ANKRD11: variants seen among roughly 807,000 people sequenced by gnomAD.
ANKRD11 encodes the protein ankyrin repeat domain-containing protein 11.
Under a neutral mutation model 195.7 loss-of-function variants are expected in ANKRD11, and 17 were observed. The observed-to-expected ratio is 0.09, with a 90% CI of 0.06 to 0.13. The LOEUF (loss-of-function observed/expected upper bound fraction) is 0.13, where lower values mean the gene tolerates loss of function less well. ANKRD11 is among the 10% of genes least tolerant of loss of function. The pLI, the probability that ANKRD11 is intolerant of heterozygous loss-of-function variation, is 1.00. For synonymous variants in ANKRD11, 1,953 were observed against 1,528.1 expected (o/e 1.28, Z -6.49); for missense variants, 3,735 against 3,566.1 (o/e 1.05, Z -1.21).
chr16:89,322,255 GACA>G (rs1360687330), intron 2 of ANKRD11, among the ~76,000 whole-genome samples: 1 of 152,300 alleles, frequency 6.6e-6, no homozygotes, highest in South Asian at 2.1e-4. Flanking sequence ...GAACAGATGT[GACA>G]ACATTACCCT....
intron 3 of ANKRD11, among the ~76,000 whole-genome samples, chr16:89,306,593 G>A (rs1260603515): frequency 3.7e-5 from 3 of 81,956 alleles, no homozygotes; most frequent in Non-Finnish European, 7.0e-5. Context: ...CCGCAGACAC[G>A]CGCCACCTCC....
chr16:89,446,786 C>G (rs537306054), intron 1 of ANKRD11, among the ~76,000 whole-genome samples: 1 of 152,240 alleles, frequency 6.6e-6, no homozygotes, highest in South Asian at 2.1e-4. Context: ...GGGCCCTTCT[C>G]ACACACAGCC....
chr16:89,386,670 T>C (rs1320194206), intron 2 of ANKRD11, among the ~76,000 whole-genome samples: 1 of 152,232 alleles, frequency 6.6e-6, no homozygotes, highest in Non-Finnish European at 1.5e-5. Flanking sequence ...TTGACTCCCT[T>C]ACCTTCTGCT....
intron 2 of ANKRD11, chr16:89,392,366 C>G (rs1333556899): frequency 6.6e-6 from 1 of 152,312 alleles, no homozygotes; most frequent in Admixed American, 6.5e-5. Flanking sequence ...TCACAAGAAG[C>G]TAAAATTCAT....
chr16:89,424,203 A>G (rs2042626461), intron 1 of ANKRD11, among the ~76,000 whole-genome samples: 1 of 152,186 alleles, frequency 6.6e-6, no homozygotes, highest in Non-Finnish European at 1.5e-5. Context: ...TAATCCCAGC[A>G]CTTTGAGTCA....
chr16:89,406,538 G>T (rs568461651), intron 2 of ANKRD11, among the ~76,000 whole-genome samples: 5 of 152,318 alleles, frequency 3.3e-5, no homozygotes, highest in African/African-American at 1.2e-4. Context: ...AGACACACAG[G>T]CACCAGAGGC....
chr16:89,351,138 G>A (rs549991451), intron 2 of ANKRD11, among the ~76,000 whole-genome samples: 30 of 152,318 alleles, frequency 2.0e-4, no homozygotes, highest in African/African-American at 6.3e-4. Context: ...GGGAGTGGAC[G>A]ATGGCGGGCA....
chr16:89,282,273 AAAC>A lies in ANKRD11; in HGVS notation c.4266_4268del (p.Leu1422del). On this transcript the variant is annotated inframe_deletion, in exon 9 of 13. Transcript: ENST00000301030. ...CATTTTTATCTTTCTTTTCGGTAGAAAACAATTCAATGGTTTTATCTAGCTCAT... is the reference window on the plus strand; with the variant it reads ...CATTTTTATCTTTCTTTTCGGTAGAAAATTCAATGGTTTTATCTAGCTCAT... The A allele has an allele frequency of 2.5e-6, 4 of 1,614,052 alleles. No homozygotes were observed. Among genetic ancestry groups the A allele is most frequent in the Non-Finnish European group, 2.5e-6 (3 of 1,180,026 alleles).
intron 1 of ANKRD11, among the ~76,000 whole-genome samples, chr16:89,438,487 T>C (rs181437153): frequency 6.6e-6 from 1 of 152,086 alleles, no homozygotes; most frequent in African/African-American, 2.4e-5. Flanking sequence ...ATCCAGCTAA[T>C]TTGTGTGTGT....
chr16:89,327,440 G>GA (rs981933925), intron 2 of ANKRD11, among the ~76,000 whole-genome samples: 4 of 152,182 alleles, frequency 2.6e-5, no homozygotes, highest in Admixed American at 2.0e-4. Flanking sequence ...GTCTCTCTCT[G>GA]AAGATGGTGT....
chr16:89,359,694 G>A (rs569331562), intron 2 of ANKRD11, among the ~76,000 whole-genome samples: 1 of 152,194 alleles, frequency 6.6e-6, no homozygotes. Context: ...AGCAGGAACT[G>A]GGTAACTGTA....
At chr16:89,379,001 C>T (rs577108840) in intron 2 of ANKRD11, among the ~76,000 whole-genome samples, 4 of 152,356 alleles carry the variant, frequency 2.6e-5, no homozygotes, top group South Asian at 2.1e-4. Flanking sequence ...AGCGTCAAGA[C>T]GCCTCCTGCA....
chr16:89,381,144 G>A (rs1414850336), intron 2 of ANKRD11, among the ~76,000 whole-genome samples: 2 of 152,090 alleles, frequency 1.3e-5, no homozygotes, highest in African/African-American at 4.8e-5. Flanking sequence ...CCAACATGGC[G>A]AAACCCTATT....
chr16:89,433,094 A>G (rs1260232410), intron 1 of ANKRD11, among the ~76,000 whole-genome samples: 1 of 152,102 alleles, frequency 6.6e-6, no homozygotes, highest in Non-Finnish European at 1.5e-5. Context: ...GCCTCTGAGC[A>G]TTTTACCCTT....
chr16:89,459,402 A>G (rs2056573826), intron 1 of ANKRD11: 1 of 152,208 alleles, frequency 6.6e-6, no homozygotes, highest in African/African-American at 2.4e-5. Context: ...CTGTTGATGA[A>G]GTTTTTCTGA....
At chr16:89,407,392 G>A (rs1472834486) in intron 2 of ANKRD11, among the ~76,000 whole-genome samples, 1 of 152,122 alleles carries the variant, frequency 6.6e-6, no homozygotes, top group East Asian at 1.9e-4. Flanking sequence ...AAAGCAGGAA[G>A]CCCCAGCAAC....
At chr16:89,278,957 C>T (rs1567551368) in intron 9 of ANKRD11, 115 bp downstream of exon 9, 4 of 1,490,386 alleles carry the variant, frequency 2.7e-6, no homozygotes, top group African/African-American at 1.4e-5. Context: ...GGCAGAAGGT[C>T]GAGAGAGGTC....
chr16:89,305,776 C>T (rs1225387634), intron 3 of ANKRD11, among the ~76,000 whole-genome samples: 3 of 143,784 alleles, frequency 2.1e-5, no homozygotes, highest in Admixed American at 1.4e-4. Flanking sequence ...CGCCACCTCC[C>T]ACTCCGCAGA....
At chr16:89,451,926 CAT>C (rs2044093339) in intron 1 of ANKRD11, among the ~76,000 whole-genome samples, 2 of 152,102 alleles carry the variant, frequency 1.3e-5, no homozygotes, top group Admixed American at 6.5e-5. Context: ...ATCTTTAAAA[CAT>C]GTGTCTAGAC....
Sources: allele counts gnomAD v4.1 joint callset (sites outside exome capture counted in the v4.1 genomes callset), GRCh38; gene constraint gnomAD v4.1.1; transcripts MANE v1.5; gene names NCBI Gene and HGNC (gene_info 2026-07-23, HGNC 2026-07-21).